Variants in ATRNL1 observed in about 807,000 individuals in gnomAD.
The protein encoded by ATRNL1 is attractin-like protein 1.
Under a neutral mutation model 182.7 loss-of-function variants are expected in ATRNL1, and 95 were observed. The observed-to-expected ratio is 0.52, with a 90% CI of 0.44 to 0.62. The LOEUF (loss-of-function observed/expected upper bound fraction) is 0.62, where lower values mean the gene tolerates loss of function less well. Ranked by LOEUF, ATRNL1 falls within the 20% of genes least tolerant of loss-of-function variation. ATRNL1 has a pLI of 0.00. For synonymous variants in ATRNL1, 576 were observed against 568.3 expected, an observed-to-expected ratio of 1.01 and a Z score of -0.19; for missense variants, 1,471 against 1,679.5, an observed-to-expected ratio of 0.88 and a Z score of 2.17.
rs78176290 is a variant in ATRNL1 at position 115,457,116 on chromosome 10, G to C, written c.3323-4825G>C. 8.6e-3 allele frequency among the ~76,000 whole-genome samples: 1,303 copies of C among 152,098 alleles called. 19 individuals carry two copies. The highest frequency in any genetic ancestry group is 0.028 in the African/African-American group (1,159 of 41,482). Reference sequence around the variant, plus strand: ...CTTTTCTCGTGACCATGAGGAATAAGGTACGTGGACACCGGAGAGTGAGTA... The same window carrying C: ...CTTTTCTCGTGACCATGAGGAATAACGTACGTGGACACCGGAGAGTGAGTA... On this transcript the variant is annotated intron_variant, in intron 21 of 28. Coordinates refer to ENST00000355044, the MANE Select transcript of ATRNL1 (RefSeq NM_207303.4).
intron 21 of ATRNL1, among the ~76,000 whole-genome samples, chr10:115,440,477 T>G (rs967350632): frequency 7.9e-5 from 12 of 151,876 alleles, no homozygotes; most frequent in African/African-American, 2.7e-4. Flanking sequence ...TCTTACACCT[T>G]TAGTCCTTCT....
chr10:115,457,531 A>G (rs566927321), intron 21 of ATRNL1, among the ~76,000 whole-genome samples: 55 of 151,988 alleles, frequency 3.6e-4, no homozygotes, highest in African/African-American at 8.2e-4. Context: ...TACAAATACT[A>G]TATTTCCTCA....
At chr10:115,559,445 C>CGCGCGCGCGCGT (rs1554998490) in intron 26 of ATRNL1, among the ~76,000 whole-genome samples, 3 of 83,766 alleles carry the variant, frequency 3.6e-5, no homozygotes, top group African/African-American at 1.1e-4. Context: ...TGTGTGTGTG[C>CGCGCGCGCGCGT]GCGCGCGCAC....
chr10:115,123,263 T>G (rs1554872282), intron 3 of ATRNL1, among the ~76,000 whole-genome samples: 1 of 152,190 alleles, frequency 6.6e-6, no homozygotes, highest in African/African-American at 2.4e-5. Context: ...CTAGGCAGTT[T>G]AAATGTCATC....
At chr10:115,366,140 T>C (rs2134174859) in intron 19 of ATRNL1, among the ~76,000 whole-genome samples, 1 of 152,274 alleles carries the variant, frequency 6.6e-6, no homozygotes, top group Admixed American at 6.5e-5. Flanking sequence ...CCATTATTAA[T>C]GTGTGGGAGT....
chr10:115,279,875 A>G (rs529699943), intron 13 of ATRNL1, among the ~76,000 whole-genome samples: 1 of 152,272 alleles, frequency 6.6e-6, no homozygotes, highest in African/African-American at 2.4e-5. Flanking sequence ...GCTCACATAT[A>G]TGGTTGGTTG....
At chr10:115,340,013 G>A (rs887640760) in intron 19 of ATRNL1, among the ~76,000 whole-genome samples, 2 of 152,118 alleles carry the variant, frequency 1.3e-5, no homozygotes, top group Admixed American at 1.3e-4. Context: ...GGACTGATTT[G>A]CATATGTTGA....
intron 27 of ATRNL1, among the ~76,000 whole-genome samples, chr10:115,767,141 C>T (rs958447225): frequency 5.9e-5 from 9 of 152,152 alleles, no homozygotes; most frequent in Non-Finnish European, 1.3e-4. Context: ...TCTGCGATCA[C>T]CTCAAACTGT....
chr10:115,849,038 A>G (rs905819372), intron 28 of ATRNL1, among the ~76,000 whole-genome samples: 4 of 152,248 alleles, frequency 2.6e-5, no homozygotes, highest in African/African-American at 9.6e-5. Flanking sequence ...AAAATGTACT[A>G]CTTTATGCCT....
At chr10:115,149,734 G>A (rs985470519) in intron 5 of ATRNL1, among the ~76,000 whole-genome samples, 1 of 151,956 alleles carries the variant, frequency 6.6e-6, no homozygotes, top group African/African-American at 2.4e-5. Context: ...GCTGGATTTG[G>A]TATTTTTTGA....
At chr10:115,308,451 AT>A (rs1271619413) in intron 17 of ATRNL1, among the ~76,000 whole-genome samples, 3 of 152,088 alleles carry the variant, frequency 2.0e-5, no homozygotes, top group African/African-American at 4.8e-5. Flanking sequence ...ACAAATCTGT[AT>A]TTTTTTCAGT....
intron 1 of ATRNL1, among the ~76,000 whole-genome samples, chr10:115,109,868 C>G (rs76448795): frequency 1.2e-3 from 179 of 152,270 alleles, no homozygotes; most frequent in African/African-American, 4.0e-3. Flanking sequence ...TAAAGATGTA[C>G]AGTTCACTTA....
At chr10:115,845,894 A>G (rs1950916583) in intron 27 of ATRNL1, among the ~76,000 whole-genome samples, 2 of 152,052 alleles carry the variant, frequency 1.3e-5, no homozygotes, top group Non-Finnish European at 2.9e-5. Flanking sequence ...ATTTTAATCA[A>G]TTGACCTTTA....
chr10:115,311,561 G>C (rs531881376), intron 17 of ATRNL1, among the ~76,000 whole-genome samples: 1 of 152,160 alleles, frequency 6.6e-6, no homozygotes, highest in Non-Finnish European at 1.5e-5. Context: ...AATATTCCAT[G>C]TGCTGATGAG....
intron 19 of ATRNL1, among the ~76,000 whole-genome samples, chr10:115,372,352 A>G (rs1554948324): frequency 6.6e-6 from 1 of 152,124 alleles, no homozygotes; most frequent in Non-Finnish European, 1.5e-5. Context: ...TTGGCTCTGC[A>G]GAAGCTTCTT....
chr10:115,241,454 T>A (rs1850417651), intron 9 of ATRNL1, 117 bp from the exon 10 acceptor site: 2 of 548,144 alleles, frequency 3.6e-6, no homozygotes, highest in African/African-American at 1.9e-5. Context: ...AATATGTTTT[T>A]TTCCCCCACA....
chr10:115,273,366 G>A (rs1367006178), intron 13 of ATRNL1, among the ~76,000 whole-genome samples: 2 of 152,096 alleles, frequency 1.3e-5, no homozygotes, highest in Non-Finnish European at 1.5e-5. Flanking sequence ...ATTTACGCTG[G>A]ATACAAGTAT....
At chr10:115,875,026 G>A (rs1555106892) in intron 28 of ATRNL1, among the ~76,000 whole-genome samples, 2 of 152,184 alleles carry the variant, frequency 1.3e-5, no homozygotes, top group African/African-American at 4.8e-5. Flanking sequence ...ATCCAGGCAG[G>A]TGAGGGTCTA....
intron 19 of ATRNL1, among the ~76,000 whole-genome samples, chr10:115,387,093 A>ATG: frequency 6.6e-6 from 1 of 152,022 alleles, no homozygotes; most frequent in African/African-American, 2.4e-5. Context: ...AGCCATAAAA[A>ATG]ATGATGTCCT....
Sources: gnomAD v4.1 joint callset for allele counts (sites outside exome capture counted in the v4.1 genomes callset) on GRCh38, gnomAD v4.1.1 for gene constraint, MANE v1.5 for transcripts, NCBI Gene and HGNC (gene_info 2026-07-23, HGNC 2026-07-21) for gene names.